CCNT2: variants seen among roughly 807,000 people sequenced by gnomAD.
CCNT2 encodes cyclin T2.
A neutral mutation model predicts 70.0 loss-of-function variants in CCNT2; 18 were observed. The observed-to-expected ratio is 0.26, with a 90% CI of 0.18 to 0.38. The LOEUF is 0.38. Ranked by LOEUF, CCNT2 falls within the 10% of genes least tolerant of loss-of-function variation. The pLI is 1.00. For synonymous variants in CCNT2, 334 were observed against 313.3 expected, an observed-to-expected ratio of 1.07 and a Z score of -0.70; for missense variants, 734 against 890.2, an observed-to-expected ratio of 0.82 and a Z score of 2.23.
At chr2:134,944,317 AATT>A (rs2105067310) in intron 5 of CCNT2, 1 of 978,776 alleles carries the variant, frequency 1.0e-6, no homozygotes, top group East Asian at 1.1e-4. Flanking sequence ...ATTTGCTTTA[AATT>A]AAGAGCCTAT....
rs1272601541 is a variant in CCNT2, at chr2:134,953,959, A to C, written c.1504A>C (p.Ser502Arg). The C allele has an allele frequency of 6.2e-7, 1 of 1,614,110 alleles. No homozygotes were observed. The highest frequency in any genetic ancestry group is 1.1e-5 in the South Asian group (1 of 91,076). ...EKYMADKKEK[S>R]GSLKLRIPIP... is the part of the protein sequence containing the mutation. ...ATACATGGCAGACAAAAAGGAAAAG[A>C]GTGGGTCACTGAAATTACGGATTCC... Residue 502 changes from serine (S) to arginine (R), a missense_variant, in exon 9 of 9, where the codon AGT becomes CGT. Transcript: ENST00000264157.
rs1423619894 is a variant in CCNT2, at chr2:134,955,150, A to T, written c.*502A>T. On this transcript the variant is annotated 3_prime_UTR_variant, in exon 9 of 9. Coordinates refer to ENST00000264157, the MANE Select transcript of CCNT2 (RefSeq NM_058241.3). ...TGTACATACATTTTTGTATGTTTAG[A>T]TATTACCGTAAATACTCAGGATTGG... is the stretch of plus-strand genomic sequence containing the variant. 4 of 156,332 alleles carry T rather than the reference A, an allele frequency of 2.6e-5. No individual in the cohort carries two copies. The highest frequency in any genetic ancestry group is 4.8e-5 in the African/African-American group (2 of 41,468). 9.7% of individuals were successfully genotyped at this position (156,332 alleles called of 1,614,324 possible). A position where few individuals can be genotyped will look rare whatever the true frequency, so the allele number is the denominator to read the frequency against.
chr2:134,918,830 A>G lies in CCNT2; in HGVS notation c.-25A>G. ...GCCAGGAGGGGCGGGGGGTGAATGAAGGAGCGGGCGGAGGAGGAAGTGTCA... is the reference window on the plus strand; with the variant it reads ...GCCAGGAGGGGCGGGGGGTGAATGAGGGAGCGGGCGGAGGAGGAAGTGTCA... On this transcript the variant is annotated 5_prime_UTR_variant, in exon 1 of 9. Coordinates refer to ENST00000264157, the MANE Select transcript of CCNT2 (RefSeq NM_058241.3). The G allele has an allele frequency of 6.2e-7, 1 of 1,602,864 alleles. No homozygotes were observed. Among genetic ancestry groups the G allele is most frequent in the South Asian group, 1.1e-5 (1 of 90,104 alleles).
intron 2 of CCNT2, among the ~76,000 whole-genome samples, chr2:134,935,472 C>T (rs1297370557): frequency 6.6e-6 from 1 of 152,148 alleles, no homozygotes; most frequent in Non-Finnish European, 1.5e-5. Context: ...TCCACTGTCC[C>T]TCTGTCAGAA....
At chr2:134,947,064 G>A (rs1240316807) in intron 6 of CCNT2, among the ~76,000 whole-genome samples, 1 of 152,178 alleles carries the variant, frequency 6.6e-6, no homozygotes, top group African/African-American at 2.4e-5. Flanking sequence ...ACTTTGATTA[G>A]AAAAGGCTAG....
intron 4 of CCNT2, among the ~76,000 whole-genome samples, chr2:134,941,956 A>G (rs1051174285): frequency 6.6e-6 from 1 of 152,132 alleles, no homozygotes; most frequent in African/African-American, 2.4e-5. Flanking sequence ...ACTGCTTCTG[A>G]AGACAACCAA....
chr2:134,933,467 G>A lies in CCNT2; in HGVS notation c.241-3374G>A, dbSNP rs779429581. Among the ~76,000 whole-genome samples the A allele has an allele frequency of 5.5e-4, 83 of 152,090 alleles. 2 individuals carry two copies. The highest frequency in any genetic ancestry group is 1.2e-3 in the Admixed American group (18 of 15,266). ...AAGGGTATCAGGAGCAGAGAGGGGA[G>A]ACAGCAGCCAGGAGTGGGCAGGAGG... On this transcript the variant is annotated intron_variant, in intron 2 of 8. Transcript: ENST00000264157.
At chr2:134,949,924 A>G (rs1293162449) in intron 7 of CCNT2, among the ~76,000 whole-genome samples, 2 of 151,882 alleles carry the variant, frequency 1.3e-5, no homozygotes, top group Admixed American at 6.6e-5. Flanking sequence ...CCTCCTGAGT[A>G]GCTGGGATTA....
rs551173090 is a variant in CCNT2 at position 134,928,274 on chromosome 2, C to CTTTTTTTTTTTTT, written c.240+8390_240+8402dup. ...CCATGCCCGGCCTCACATTGTATTTCTTTTTTTTTTTTTTTTTTTCTGAGA... is the reference window on the plus strand; with the variant it reads ...CCATGCCCGGCCTCACATTGTATTTCTTTTTTTTTTTTTTTTTTTTTTTTTTTTTTTTCTGAGA... On this transcript the variant is annotated intron_variant, in intron 2 of 8. Transcript: ENST00000264157. Among the ~76,000 whole-genome samples the CTTTTTTTTTTTTT allele has an allele frequency of 1.2e-3, 111 of 96,384 alleles. 6 individuals carry two copies. The highest frequency in any genetic ancestry group is 3.6e-3 in the African/African-American group (90 of 25,056). 63.2% of individuals were successfully genotyped at this position (96,384 alleles called of 152,430 possible). A position where few individuals can be genotyped will look rare whatever the true frequency, so the allele number is the denominator to read the frequency against.
intron 5 of CCNT2, chr2:134,944,470 T>G (rs1681803816): frequency 1.0e-6 from 1 of 965,370 alleles, no homozygotes; most frequent in Non-Finnish European, 1.2e-6. Context: ...ATTAATATTT[T>G]TTGTACAAGT....
At chr2:134,937,652 A>T (rs1210162152) in intron 3 of CCNT2, among the ~76,000 whole-genome samples, 2 of 152,224 alleles carry the variant, frequency 1.3e-5, no homozygotes, top group African/African-American at 4.8e-5. Context: ...ACAGTGGCTC[A>T]TGCCTGTAAT....
At chr2:134,925,669 A>G (rs1267320096) in intron 2 of CCNT2, among the ~76,000 whole-genome samples, 1 of 152,066 alleles carries the variant, frequency 6.6e-6, no homozygotes, top group African/African-American at 2.4e-5. Flanking sequence ...ATATATGTTC[A>G]TCAGTTGGTG....
rs530235693 is a variant in CCNT2, at chr2:134,944,908, C to T, written c.494-1193C>T. 45 of 985,152 alleles carry T rather than the reference C, an allele frequency of 4.6e-5. 1 individual carries two copies. The highest frequency in any genetic ancestry group is 5.2e-4 in the Middle Eastern group (1 of 1,914). 61.0% of individuals were successfully genotyped at this position (985,152 alleles called of 1,614,324 possible). ...TTAATTATTATTTTTTCCTTCTCTA[C>T]GTATTTTTATTCGGAGGGGGAGGGG... On this transcript the variant is annotated intron_variant, in intron 5 of 8. Transcript: ENST00000264157.
intron 7 of CCNT2, among the ~76,000 whole-genome samples, chr2:134,948,751 G>A (rs62168895): frequency 1.4e-5 from 2 of 145,742 alleles, no homozygotes; most frequent in Non-Finnish European, 3.0e-5. Context: ...GTCTCACTCT[G>A]TCGCCAAGGC....
intron 8 of CCNT2, 196 bp downstream of exon 8, chr2:134,952,907 A>T (rs979852299): frequency 2.2e-5 from 11 of 495,388 alleles, no homozygotes; most frequent in Admixed American, 1.9e-4. Flanking sequence ...CTTTTAAAAA[A>T]TTTTTTGCAG....
intron 3 of CCNT2, among the ~76,000 whole-genome samples, chr2:134,937,791 G>C (rs1172799282): frequency 6.6e-6 from 1 of 152,158 alleles, no homozygotes; most frequent in Non-Finnish European, 1.5e-5. Context: ...GCACATGCCT[G>C]TGATCCCAGC....
intron 3 of CCNT2, 63 bp downstream of exon 3, chr2:134,937,032 C>T: frequency 1.6e-6 from 2 of 1,250,782 alleles, no homozygotes; most frequent in Non-Finnish European, 2.3e-6. Flanking sequence ...TAATGTAGGC[C>T]TAACAAAAAT....
At chr2:134,950,197 T>C (rs780179917) in intron 7 of CCNT2, among the ~76,000 whole-genome samples, 1 of 152,120 alleles carries the variant, frequency 6.6e-6, no homozygotes, top group Non-Finnish European at 1.5e-5. Context: ...AGAGGTTAGG[T>C]TGTGGTTTAT....
intron 4 of CCNT2, among the ~76,000 whole-genome samples, chr2:134,942,273 A>G (rs937613551): frequency 4.6e-5 from 7 of 152,012 alleles, no homozygotes; most frequent in African/African-American, 1.7e-4. Flanking sequence ...AATATTAAGA[A>G]AGATATTACG....
Sources: allele counts gnomAD v4.1 joint callset (sites outside exome capture counted in the v4.1 genomes callset), GRCh38; gene constraint gnomAD v4.1.1; transcripts MANE v1.5; gene names NCBI Gene and HGNC (gene_info 2026-07-23, HGNC 2026-07-21).